Variants in CRMP1 observed in about 807,000 individuals in gnomAD.
CRMP1 encodes the protein collapsin response mediator protein 1.
A neutral mutation model predicts 68.3 loss-of-function variants in CRMP1; 19 were observed. The observed-to-expected ratio is 0.28, with a 90% CI of 0.19 to 0.41. The LOEUF is 0.41. CRMP1 is among the 10% of genes least tolerant of loss of function. The probability of loss-of-function intolerance (pLI) is 1.00; values close to 1 mark genes in which losing one functional copy is unlikely to be tolerated. For missense variants in CRMP1, 791 were observed against 967.4 expected (o/e 0.82, Z 2.42); for synonymous variants, 439 against 399.6 (o/e 1.10, Z -1.18).
intron 2 of CRMP1, among the ~76,000 whole-genome samples, chr4:5,863,420 C>G (rs1225339823): frequency 6.6e-6 from 1 of 152,224 alleles, no homozygotes; most frequent in Non-Finnish European, 1.5e-5. Flanking sequence ...AGCCTAATAT[C>G]AGAGCTCTGA....
intron 11 of CRMP1, among the ~76,000 whole-genome samples, chr4:5,832,413 T>C (rs6857401): frequency 0.47 from 71,541 of 152,154 alleles, 20,056 homozygotes; most frequent in African/African-American, 0.79. Flanking sequence ...GATGTGAATG[T>C]TTTCCACAAA....
chr4:5,860,525 G>C lies in CRMP1; in HGVS notation c.655+501C>G, dbSNP rs1713467673. Among the ~76,000 whole-genome samples, 1 of 152,128 alleles carries C rather than the reference G, an allele frequency of 6.6e-6. No homozygotes were observed. Among genetic ancestry groups the C allele is most frequent in the African/African-American group, 2.4e-5 (1 of 41,422 alleles). ...AACCACTTCCCAGCTGTGTCTCCTT[G>C]GGCAAGTTGCTTCACCTCTCTGAGC... On this transcript the variant is annotated intron_variant, in intron 3 of 13. Transcript: ENST00000324989. The surrounding 1 kb of genome is among the most constrained non-coding windows in gnomAD (Gnocchi z 4.2).
In CRMP1 at chr4:5,889,743, G is replaced by A. The variant is rs557924123; in HGVS notation, c.381+2846C>T. 1 of 1,535,266 alleles carries A rather than the reference G, an allele frequency of 6.5e-7. No individual in the cohort carries two copies. Among genetic ancestry groups the A allele is most frequent in the South Asian group, 1.2e-5 (1 of 83,994 alleles). ...TCCAGAGCGAGGGTGGCCTAGGCTTGGTACAGCTCCCCCAGCACTGTGGTT... is the reference window on the plus strand; with the variant it reads ...TCCAGAGCGAGGGTGGCCTAGGCTTAGTACAGCTCCCCCAGCACTGTGGTT... On this transcript the variant is annotated intron_variant, in intron 1 of 13. Transcript: ENST00000324989. The surrounding 1 kb of genome is among the most constrained non-coding windows in gnomAD (Gnocchi z 4.5).
chr4:5,878,200 G>A (rs542751521), intron 1 of CRMP1, among the ~76,000 whole-genome samples: 1 of 151,540 alleles, frequency 6.6e-6, no homozygotes, highest in South Asian at 2.1e-4. Context: ...GATTTGAACC[G>A]AATTCCACCT....
At position 5,879,317 on chromosome 4, in the gene CRMP1, C is replaced by T. The variant is rs919033519; in HGVS notation, c.382-12561G>A. Among the ~76,000 whole-genome samples, 1 of 152,242 alleles carries T rather than the reference C, an allele frequency of 6.6e-6. No homozygotes were observed. The highest frequency in any genetic ancestry group is 1.9e-4 in the East Asian group (1 of 5,206). On this transcript the variant is annotated intron_variant, in intron 1 of 13. Coordinates refer to ENST00000324989, the MANE Select transcript of CRMP1 (RefSeq NM_001014809.3). The surrounding 1 kb of genome is among the most constrained non-coding windows in gnomAD (Gnocchi z 4.2). ...TCATTGCTTTCCAACTCCTTAGTCA[C>T]GTGCAGTGTCTTGAGTCCAGGATCA...
chr4:5,839,463 C>G, intron 9 of CRMP1, 59 bp downstream of exon 9: 2 of 1,549,858 alleles, frequency 1.3e-6, no homozygotes, highest in Non-Finnish European at 1.7e-6. Flanking sequence ...CCACCATTAA[C>G]TCTCTGCCTC....
At chr4:5,849,975 C>G (rs763646948) in intron 5 of CRMP1, among the ~76,000 whole-genome samples, 5 of 152,170 alleles carry the variant, frequency 3.3e-5, no homozygotes, top group Non-Finnish European at 7.3e-5. Context: ...GTGGGGGAAA[C>G]CAGCTCTCTA....
chr4:5,877,184 T>C lies in CRMP1; in HGVS notation c.382-10428A>G, dbSNP rs543148428. 1.2e-4 allele frequency among the ~76,000 whole-genome samples: 19 copies of C among 152,292 alleles called. No homozygotes were observed. The highest frequency in any genetic ancestry group is 3.8e-4 in the African/African-American group (16 of 41,568). ...ACCCCAACAGAAGACTGAAGACAAA[T>C]TGAGTTGAGCCCTGCTAAGCATCTA... On this transcript the variant is annotated intron_variant, in intron 1 of 13. Coordinates refer to ENST00000324989, the MANE Select transcript of CRMP1 (RefSeq NM_001014809.3). This position sits in a 1 kb window ranked among gnomAD's most constrained non-coding sequence, Gnocchi z 4.3.
At chr4:5,840,571 C>T (rs895126008) in intron 8 of CRMP1, among the ~76,000 whole-genome samples, 6 of 152,242 alleles carry the variant, frequency 3.9e-5, no homozygotes, top group South Asian at 2.1e-4. Context: ...CAGCAACCAC[C>T]GGCCACATGT....
At position 5,825,918 on chromosome 4, in the gene CRMP1, A is replaced by G. The variant is rs1003940807; in HGVS notation, c.1804-259T>C. On this transcript the variant is annotated intron_variant, in intron 12 of 13. Transcript: ENST00000324989. This position sits in a 1 kb window ranked among gnomAD's most constrained non-coding sequence, Gnocchi z 4.4. Reference sequence around the variant, plus strand: ...ACATACAGACGCACACACCACGCACACGCACTCACATACATGCAGTCATGC... The same window carrying G: ...ACATACAGACGCACACACCACGCACGCGCACTCACATACATGCAGTCATGC... 2 of 511,716 alleles carry G rather than the reference A, an allele frequency of 3.9e-6. No homozygotes were observed. Among genetic ancestry groups the G allele is most frequent in the Non-Finnish European group, 6.8e-6 (2 of 292,834 alleles). The allele number at this position is 511,716 out of a possible 1,614,324, so 31.7% of individuals were successfully genotyped here.
chr4:5,827,616 ACGCG>A (rs1719847674), intron 12 of CRMP1, among the ~76,000 whole-genome samples: 1 of 151,716 alleles, frequency 6.6e-6, no homozygotes, highest in Admixed American at 6.6e-5. Context: ...GCATACACAC[ACGCG>A]CACACACACA....
In CRMP1 at chr4:5,892,620, C is replaced by G; in HGVS notation, c.350G>C (p.Arg117Pro). 8.4e-7 allele frequency: 1 copy of G among 1,189,454 alleles called. No homozygotes were observed. The highest frequency in any genetic ancestry group is 1.0e-6 in the Non-Finnish European group (1 of 960,762). 73.7% of individuals were successfully genotyped at this position (1,189,454 alleles called of 1,614,324 possible). A position where few individuals can be genotyped will look rare whatever the true frequency, so the allele number is the denominator to read the frequency against. The change falls in exon 1 of 14, where the codon CGC becomes CCC. Residue 117 changes from arginine (R) to proline (P), a missense_variant. Arg to Pro is a moderately radical substitution (Grantham distance 103, BLOSUM62 -2). Coordinates refer to ENST00000324989, the MANE Select transcript of CRMP1 (RefSeq NM_001014809.3). This position sits in a 1 kb window ranked among gnomAD's most constrained non-coding sequence, Gnocchi z 8.6. ...ATTGTCCCGGCCGAGGGGCAGGTCG[C>G]GGGGCGCGGGGCGGCGGATGCGCAG... Reference protein sequence around the residue: ...PTLRIRRPAPRDLPLGRDNGQ... With the variant: ...PTLRIRRPAPPDLPLGRDNGQ...
rs1372722164 is a variant in CRMP1 at position 5,859,837 on chromosome 4, AG to A, written c.655+1188del. On this transcript the variant is annotated intron_variant, in intron 3 of 13. Coordinates refer to ENST00000324989, the MANE Select transcript of CRMP1 (RefSeq NM_001014809.3). This position sits in a 1 kb window ranked among gnomAD's most constrained non-coding sequence, Gnocchi z 5.2. ...TTCAGCCCACAGACCACACTTCCAA[AG>A]GGACTCCTTTGTGAAGGAGCGGGAG... Among the ~76,000 whole-genome samples the A allele has an allele frequency of 6.6e-6, 1 of 152,218 alleles. No individual in the cohort carries two copies. The highest frequency in any genetic ancestry group is 1.5e-5 in the Non-Finnish European group (1 of 68,040).
At chr4:5,830,127 C>A (rs1018628011) in intron 11 of CRMP1, among the ~76,000 whole-genome samples, 4 of 152,096 alleles carry the variant, frequency 2.6e-5, no homozygotes, top group Non-Finnish European at 5.9e-5. Context: ...TCAACACATG[C>A]CATTTCTATA....
chr4:5,825,838 G>A lies in CRMP1; in HGVS notation c.1804-179C>T. 2 of 625,076 alleles carry A rather than the reference G, an allele frequency of 3.2e-6. No homozygotes were observed. Among genetic ancestry groups the A allele is most frequent in the East Asian group, 6.2e-5 (2 of 32,344 alleles). The allele number at this position is 625,076 out of a possible 1,614,324, so 38.7% of individuals were successfully genotyped here. On this transcript the variant is annotated intron_variant, in intron 12 of 13. Transcript: ENST00000324989. The surrounding 1 kb of genome is among the most constrained non-coding windows in gnomAD (Gnocchi z 4.4). ...CTTCACACACATGCAGCCGCACACA[G>A]GCATTCATACACACAAGCATGCATA... is the stretch of plus-strand genomic sequence containing the variant.
In CRMP1 at chr4:5,855,382, C is replaced by A. The variant is rs369382490; in HGVS notation, c.820+761G>T. ...GAGGCTGCCTCCTCAGAGGGCTCCC[C>A]GACTGCCCCTTTCTGGACAGATCGC... On this transcript the variant is annotated intron_variant, in intron 4 of 13. Transcript: ENST00000324989. The surrounding 1 kb of genome is among the most constrained non-coding windows in gnomAD (Gnocchi z 4.9). Among the ~76,000 whole-genome samples, 1 of 152,330 alleles carries A rather than the reference C, an allele frequency of 6.6e-6. No individual in the cohort carries two copies. Among genetic ancestry groups the A allele is most frequent in the South Asian group, 2.1e-4 (1 of 4,832 alleles).
intron 1 of CRMP1, among the ~76,000 whole-genome samples, chr4:5,873,521 G>T (rs925834885): frequency 6.6e-6 from 1 of 151,968 alleles, no homozygotes; most frequent in South Asian, 2.1e-4. Flanking sequence ...AGTGGGGGGT[G>T]GGGGGTGAGC....
At chr4:5,829,380 C>T (rs569708160) in intron 11 of CRMP1, among the ~76,000 whole-genome samples, 2 of 152,142 alleles carry the variant, frequency 1.3e-5, no homozygotes, top group African/African-American at 4.8e-5. Flanking sequence ...CAGAGCGAGA[C>T]TCTGTCTCCA....
At position 5,861,068 on chromosome 4, in the gene CRMP1, G is replaced by T. The variant is rs549636760; in HGVS notation, c.613C>A (p.Gln205Lys). ...CCCACCAGTGCCGCCCTGGTCCCTT[G>T]GAAGAAGTCATCAGCCGCAGTCATC... ...QGMTAADDFF[Q>K]GTRAALVGGT... Residue 205 changes from glutamine to lysine, a missense_variant, in exon 3 of 14, where the codon CAA becomes AAA. Transcript: ENST00000324989. This position sits in a 1 kb window ranked among gnomAD's most constrained non-coding sequence, Gnocchi z 6.0. 8.3e-5 allele frequency: 134 copies of T among 1,614,202 alleles called. No homozygotes were observed. In the East Asian group the frequency reaches 2.7e-3, roughly 33 times the overall value.
Sources: gnomAD v4.1 joint callset for allele counts (sites outside exome capture counted in the v4.1 genomes callset) on GRCh38, gnomAD v4.1.1 for gene constraint, Gnocchi (gnomAD v3.1) non-coding constraint, MANE v1.5 for transcripts, NCBI Gene and HGNC (gene_info 2026-07-23, HGNC 2026-07-21) for gene names.